Variants in FAM149B1 observed in about 807,000 individuals in gnomAD.
FAM149B1 encodes family with sequence similarity 149 member B1.
In FAM149B1, 56 loss-of-function variants were observed where a neutral mutation model predicts 75.3. The ratio of observed to expected loss-of-function variants is 0.74; its 90% confidence interval spans 0.60 to 0.93. The LOEUF (loss-of-function observed/expected upper bound fraction) is 0.93. FAM149B1 is among the 40% of genes least tolerant of loss of function. FAM149B1 has a pLI of 0.00. For synonymous variants in FAM149B1, 259 were observed against 256.1 expected (o/e 1.01, Z -0.11); for missense variants, 639 against 708.4 (o/e 0.90, Z 1.11).
Position 73,244,064 on chromosome 10 carries a change from A to G in FAM149B1, c.*3045A>G. 1 of 663,176 alleles carries G rather than the reference A, an allele frequency of 1.5e-6. No individual in the cohort carries two copies. Among genetic ancestry groups the G allele is most frequent in the Non-Finnish European group, 2.6e-6 (1 of 388,426 alleles). 41.1% of individuals were successfully genotyped at this position (663,176 alleles called of 1,614,324 possible). On this transcript the variant is annotated 3_prime_UTR_variant, in exon 14 of 14. Coordinates refer to ENST00000242505, the MANE Select transcript of FAM149B1 (RefSeq NM_173348.2). ...TAGACAAAATGAATCGAATTACATA[A>G]CTATGTCATTCATTAAATGGCAACA... is the stretch of plus-strand genomic sequence containing the variant.
chr10:73,243,641 G>C lies in FAM149B1; in HGVS notation c.*2622G>C. 1.5e-6 allele frequency: 2 copies of C among 1,328,624 alleles called. No homozygotes were observed. Among genetic ancestry groups the C allele is most frequent in the Non-Finnish European group, 2.1e-6 (2 of 960,620 alleles). The allele number at this position is 1,328,624 out of a possible 1,614,324, so 82.3% of individuals were successfully genotyped here. On this transcript the variant is annotated 3_prime_UTR_variant, in exon 14 of 14. Transcript: ENST00000242505. Reference sequence around the variant, plus strand: ...ATGGGTATGGAGTTTTTTTGGAATGGTGAAAATGTCCTACAATTGGTGTTA... The same window carrying C: ...ATGGGTATGGAGTTTTTTTGGAATGCTGAAAATGTCCTACAATTGGTGTTA...
At chr10:73,174,508 C>T (rs1328336332) in intron 1 of FAM149B1, among the ~76,000 whole-genome samples, 179 bp from the exon 2 acceptor site, 1 of 152,118 alleles carries the variant, frequency 6.6e-6, no homozygotes, top group Admixed American at 6.6e-5. Context: ...TTCTTGAAAT[C>T]CAATGTGTTT....
intron 7 of FAM149B1, among the ~76,000 whole-genome samples, chr10:73,218,542 T>C (rs1360571361): frequency 6.6e-6 from 1 of 152,192 alleles, no homozygotes; most frequent in Non-Finnish European, 1.5e-5. Flanking sequence ...TTTCAGATAA[T>C]TTCTTCTCTA....
chr10:73,223,156 C>T (rs181751109), intron 7 of FAM149B1, among the ~76,000 whole-genome samples: 41 of 152,204 alleles, frequency 2.7e-4, no homozygotes, highest in East Asian at 2.5e-3. Context: ...GACCAGCACC[C>T]AGATCAAGAA....
chr10:73,204,534 G>T (rs2043006606), intron 5 of FAM149B1, among the ~76,000 whole-genome samples: 1 of 152,122 alleles, frequency 6.6e-6, no homozygotes, highest in Admixed American at 6.5e-5. Context: ...GTTAAACTGA[G>T]TTCCATTTTT....
intron 12 of FAM149B1, among the ~76,000 whole-genome samples, chr10:73,238,248 A>G (rs984961524): frequency 1.1e-4 from 17 of 152,146 alleles, no homozygotes; most frequent in Non-Finnish European, 2.1e-4. Context: ...TCGGGAGGCT[A>G]AGGCAGGAGA....
intron 3 of FAM149B1, among the ~76,000 whole-genome samples, chr10:73,191,366 CA>C (rs2042679661): frequency 9.1e-6 from 1 of 109,766 alleles, no homozygotes; most frequent in Non-Finnish European, 1.9e-5. Context: ...GACGGAGTTT[CA>C]TTCTTGTTGC....
rs960667204 is a variant in FAM149B1, at chr10:73,243,133, C to T, written c.*2114C>T. 18 of 409,050 alleles carry T rather than the reference C, an allele frequency of 4.4e-5. No homozygotes were observed. The highest frequency in any genetic ancestry group is 5.4e-5 in the Non-Finnish European group (12 of 222,616). 25.3% of individuals were successfully genotyped at this position (409,050 alleles called of 1,614,324 possible). A position where few individuals can be genotyped will look rare whatever the true frequency, so the allele number is the denominator to read the frequency against. ...TACAGAAGATCCATGGAGGCAAGTG[C>T]TGTCAGGAAGGACACTGCCTCCCTC... On this transcript the variant is annotated 3_prime_UTR_variant, in exon 14 of 14. Coordinates refer to ENST00000242505, the MANE Select transcript of FAM149B1 (RefSeq NM_173348.2).
chr10:73,179,915 G>T (rs1253667979), intron 3 of FAM149B1, among the ~76,000 whole-genome samples: 1 of 151,538 alleles, frequency 6.6e-6, no homozygotes. Flanking sequence ...TATCATAATT[G>T]GATCTTTCCC....
At position 73,235,246 on chromosome 10, in the gene FAM149B1, C is replaced by T; in HGVS notation, c.1530C>T (p.Asn510=). 2 of 1,551,826 alleles carry T rather than the reference C, an allele frequency of 1.3e-6. No homozygotes were observed. The highest frequency in any genetic ancestry group is 1.7e-6 in the Non-Finnish European group (2 of 1,147,002). Residue 510 remains asparagine, a synonymous_variant, in exon 12 of 14, where the codon AAC becomes AAT. Coordinates refer to ENST00000242505, the MANE Select transcript of FAM149B1 (RefSeq NM_173348.2). ...RAQSAVVDEP[N]YQQPQERLLL... ...AAAGTGCGGTGGTGGATGAACCTAA[C>T]TATCAGCAGCCACAAGAAAGGCTCC...
At chr10:73,212,529 G>T (rs1056650179) in intron 7 of FAM149B1, among the ~76,000 whole-genome samples, 3 of 152,300 alleles carry the variant, frequency 2.0e-5, no homozygotes, top group African/African-American at 7.2e-5. Flanking sequence ...GCCTGCCTCA[G>T]CCTCCCAAAG....
intron 3 of FAM149B1, among the ~76,000 whole-genome samples, chr10:73,190,132 T>A (rs2042643215): frequency 6.6e-6 from 1 of 152,034 alleles, no homozygotes; most frequent in African/African-American, 2.4e-5. Context: ...AAAGACAGAA[T>A]TTGAAGAGTA....
At chr10:73,194,026 T>C (rs1367846466) in intron 5 of FAM149B1, among the ~76,000 whole-genome samples, 2 of 152,122 alleles carry the variant, frequency 1.3e-5, no homozygotes, top group Middle Eastern at 3.2e-3. Flanking sequence ...CTTTCTCTTA[T>C]TATAAAGCTA....
Position 73,194,337 on chromosome 10 carries a change from A to C in FAM149B1, c.542+744A>C, listed in dbSNP as rs138633940. 2.5e-3 allele frequency among the ~76,000 whole-genome samples: 384 copies of C among 152,342 alleles called. 1 individual carries two copies. The highest frequency in any genetic ancestry group is 8.8e-3 in the African/African-American group (365 of 41,578). ...ATGGTTTTTTAAAATGTCGAAGTCT[A>C]AGAAAAAGACTTTAAAACTTTTTTG... On this transcript the variant is annotated intron_variant, in intron 5 of 13. Coordinates refer to ENST00000242505, the MANE Select transcript of FAM149B1 (RefSeq NM_173348.2).
At chr10:73,212,196 T>C (rs1185186355) in intron 7 of FAM149B1, among the ~76,000 whole-genome samples, 1 of 152,254 alleles carries the variant, frequency 6.6e-6, no homozygotes, top group African/African-American at 2.4e-5. Flanking sequence ...CCATTTTATT[T>C]ATCCAGTCCT....
intron 5 of FAM149B1, among the ~76,000 whole-genome samples, chr10:73,195,233 A>G (rs915386532): frequency 6.6e-6 from 1 of 152,154 alleles, no homozygotes; most frequent in Admixed American, 6.5e-5. Context: ...GGCTTGTGGT[A>G]GTCTCACCAG....
chr10:73,194,282 C>A (rs1440061520), intron 5 of FAM149B1, among the ~76,000 whole-genome samples: 2 of 151,970 alleles, frequency 1.3e-5, no homozygotes, highest in Non-Finnish European at 2.9e-5. Context: ...AATATGGACA[C>A]TTCCTTCTTG....
intron 3 of FAM149B1, among the ~76,000 whole-genome samples, chr10:73,183,820 G>A (rs1238361151): frequency 1.3e-5 from 2 of 152,202 alleles, no homozygotes; most frequent in African/African-American, 2.4e-5. Flanking sequence ...AGAGGGACAC[G>A]CTGTGAAAAC....
At chr10:73,238,067 C>T (rs1438278992) in intron 12 of FAM149B1, among the ~76,000 whole-genome samples, 2 of 152,012 alleles carry the variant, frequency 1.3e-5, no homozygotes, top group African/African-American at 2.4e-5. Context: ...AGCTGTGAGC[C>T]GGCTGCAGTG....
Sources: allele counts gnomAD v4.1 joint callset (sites outside exome capture counted in the v4.1 genomes callset), GRCh38; gene constraint gnomAD v4.1.1; transcripts MANE v1.5; gene names NCBI Gene and HGNC (gene_info 2026-07-23, HGNC 2026-07-21).